ZNG1E: variants seen among roughly 807,000 people sequenced by gnomAD.
The protein encoded by ZNG1E is Zn regulated GTPase metalloprotein activator 1E.
the ZNG1E span, among the ~76,000 whole-genome samples, chr9:65,714,391 G>T: frequency 8.6e-5 from 13 of 151,718 alleles, no homozygotes; most frequent in Admixed American, 5.2e-4. Flanking sequence ...TTGTTCTGTT[G>T]TTGGTGAGGA....
chr9:65,687,652 G>A, the ZNG1E span, among the ~76,000 whole-genome samples: 4 of 150,418 alleles, frequency 2.7e-5, no homozygotes, highest in East Asian at 5.9e-4. Flanking sequence ...GCTTGAGAAT[G>A]TCTGTCTATT....
chr9:65,680,997 C>T, the ZNG1E span, among the ~76,000 whole-genome samples: 1 of 151,292 alleles, frequency 6.6e-6, no homozygotes, highest in Admixed American at 6.6e-5. Context: ...ATTGTGTTAG[C>T]GAGGGTGGTC....
chr9:65,665,133 G>C, the ZNG1E span, among the ~76,000 whole-genome samples: 1 of 152,388 alleles, frequency 6.6e-6, no homozygotes, highest in Non-Finnish European at 1.5e-5. Flanking sequence ...GCTGGCTGCA[G>C]AAATTTGCAT....
chr9:65,659,458 G>A, the ZNG1E span, among the ~76,000 whole-genome samples: 1 of 146,964 alleles, frequency 6.8e-6, no homozygotes, highest in Non-Finnish European at 1.5e-5. Context: ...TCATGCCACT[G>A]CACTCCATCC....
At chr9:65,667,613 A>AG in the ZNG1E span, among the ~76,000 whole-genome samples, 11 of 152,086 alleles carry the variant, frequency 7.2e-5, no homozygotes, top group Admixed American at 1.3e-4. Flanking sequence ...TGTTTTGAAG[A>AG]GGTAGTTAGT....
chr9:65,703,883 C>G, the ZNG1E span: 4 of 958,438 alleles, frequency 4.2e-6, no homozygotes, highest in African/African-American at 8.8e-5. Context: ...TTCTCAGGAG[C>G]CGCTCATCTG....
At chr9:65,705,086 A>G in the ZNG1E span, among the ~76,000 whole-genome samples, 2 of 150,516 alleles carry the variant, frequency 1.3e-5, no homozygotes, top group East Asian at 3.9e-4. Flanking sequence ...GCTCACCTTG[A>G]GTAGTTAAGA....
chr9:65,668,205 C>T, the ZNG1E span, among the ~76,000 whole-genome samples: 1 of 152,108 alleles, frequency 6.6e-6, no homozygotes, highest in African/African-American at 2.4e-5. Flanking sequence ...TACATATATT[C>T]ATATACATGA....
At chr9:65,699,032 AC>A in the ZNG1E span, among the ~76,000 whole-genome samples, 1 of 146,518 alleles carries the variant, frequency 6.8e-6, no homozygotes, top group East Asian at 2.0e-4. Flanking sequence ...GATTACAGGC[AC>A]CCGCCACCAT....
chr9:65,693,705 A>C, the ZNG1E span, among the ~76,000 whole-genome samples: 1 of 151,512 alleles, frequency 6.6e-6, no homozygotes, highest in African/African-American at 2.4e-5. Flanking sequence ...TTACAGGTGC[A>C]CACCACCATG....
chr9:65,678,036 C>T, the ZNG1E span, among the ~76,000 whole-genome samples: 3 of 151,390 alleles, frequency 2.0e-5, no homozygotes, highest in Non-Finnish European at 2.9e-5. Context: ...TTCACCAAGG[C>T]CCAGCATAAA....
At chr9:65,668,523 A>T in the ZNG1E span, among the ~76,000 whole-genome samples, 5 of 150,668 alleles carry the variant, frequency 3.3e-5, no homozygotes, top group African/African-American at 1.2e-4. Flanking sequence ...ATATATATAT[A>T]TGTGTGTGTA....
At chr9:65,688,090 C>T in the ZNG1E span, among the ~76,000 whole-genome samples, 1 of 151,436 alleles carries the variant, frequency 6.6e-6, no homozygotes, top group Non-Finnish European at 1.5e-5. Flanking sequence ...TTACTGTGAT[C>T]ATCTGAAGCC....
At chr9:65,667,516 T>G in the ZNG1E span, among the ~76,000 whole-genome samples, 2 of 152,284 alleles carry the variant, frequency 1.3e-5, no homozygotes, top group Non-Finnish European at 2.9e-5. Context: ...AGAATAAGAA[T>G]AAAGTTTATT....
At chr9:65,717,595 G>A in the ZNG1E span, among the ~76,000 whole-genome samples, 1 of 149,658 alleles carries the variant, frequency 6.7e-6, no homozygotes, top group Non-Finnish European at 1.5e-5. Flanking sequence ...TGATGCTGTG[G>A]GCAGTTTTGA....
the ZNG1E span, among the ~76,000 whole-genome samples, chr9:65,685,610 C>G: frequency 6.6e-6 from 1 of 151,618 alleles, no homozygotes; most frequent in Non-Finnish European, 1.5e-5. Flanking sequence ...TGAGTCACAT[C>G]TTCAGACTCC....
the ZNG1E span, among the ~76,000 whole-genome samples, chr9:65,684,550 G>GCACACGCGCACA: frequency 7.5e-4 from 99 of 132,754 alleles, 3 homozygotes; most frequent in African/African-American, 1.7e-3. Flanking sequence ...ACACACGCAC[G>GCACACGCGCACA]CACACACACA....
At chr9:65,658,080 CAA>C in the ZNG1E span, among the ~76,000 whole-genome samples, 1 of 132,076 alleles carries the variant, frequency 7.6e-6, no homozygotes, top group Non-Finnish European at 1.6e-5. Context: ...GCCTGGGCAA[CAA>C]GAGCAAAACT....
the ZNG1E span, among the ~76,000 whole-genome samples, chr9:65,668,257 G>A: frequency 6.6e-6 from 1 of 151,474 alleles, no homozygotes; most frequent in Non-Finnish European, 1.5e-5. Flanking sequence ...AGGGAATCTT[G>A]CTTCTCCTAC....
Sources: gnomAD v4.1 joint callset for allele counts (sites outside exome capture counted in the v4.1 genomes callset) on GRCh38, gnomAD v4.1.1 for gene constraint, MANE v1.5 for transcripts, NCBI Gene and HGNC (gene_info 2026-07-23, HGNC 2026-07-21) for gene names.